Variants in SLC22A9 observed in about 807,000 individuals in gnomAD.
SLC22A9 encodes the protein organic anion transporter 7.
A neutral mutation model predicts 50.1 loss-of-function variants in SLC22A9; 64 were observed. The ratio of observed to expected loss-of-function variants is 1.28; its 90% CI spans 1.04 to 1.57. The LOEUF (loss-of-function observed/expected upper bound fraction) is 1.57. SLC22A9 is among the 40% of genes most tolerant of loss of function. The pLI, the probability that SLC22A9 is intolerant of heterozygous loss-of-function variation, is 0.00. For synonymous variants in SLC22A9, 261 were observed against 242.5 expected (o/e 1.08, Z -0.71); for missense variants, 757 against 676.1 (o/e 1.12, Z -1.33).
At chr11:63,386,682 T>A (rs924168343) in intron 6 of SLC22A9, among the ~76,000 whole-genome samples, 2 of 151,702 alleles carry the variant, frequency 1.3e-5, no homozygotes, top group Non-Finnish European at 2.9e-5. Context: ...CACTTTGCCA[T>A]TTTTTATTGT....
chr11:63,372,600 A>G (rs2014381958), intron 2 of SLC22A9, among the ~76,000 whole-genome samples: 1 of 152,162 alleles, frequency 6.6e-6, no homozygotes, highest in Non-Finnish European at 1.5e-5. Flanking sequence ...AAATCTAAAC[A>G]GCAGTTTGGG....
At chr11:63,393,539 C>T (rs570255772) in intron 6 of SLC22A9, among the ~76,000 whole-genome samples, 1 of 152,204 alleles carries the variant, frequency 6.6e-6, no homozygotes, top group African/African-American at 2.4e-5. Flanking sequence ...TTTCCCCATT[C>T]AGTATTATGT....
Position 63,375,730 on chromosome 11 carries a change from A to T in SLC22A9, c.916A>T (p.Ser306Cys). 1 of 1,612,732 alleles carries T rather than the reference A, an allele frequency of 6.2e-7. No homozygotes were observed. The highest frequency in any genetic ancestry group is 1.1e-5 in the South Asian group (1 of 91,032). The change falls in exon 5 of 10, where the codon AGT becomes TGT. Residue 306 changes from serine to cysteine, a missense_variant. Coordinates refer to ENST00000279178, the MANE Select transcript of SLC22A9 (RefSeq NM_080866.3). ...GGAACTTAGAAAAGCTGCACACAGG[A>T]GTGGAATGAAGAATGCCAGAGACAC... ...LKELRKAAHR[S>C]GMKNARDTLT...
intron 2 of SLC22A9, 42 bp from the exon 3 acceptor site, chr11:63,373,599 CTTG>C (rs1271574846): frequency 2.0e-6 from 3 of 1,468,928 alleles, no homozygotes; most frequent in Admixed American, 2.6e-5. Flanking sequence ...AGTTTTTCCA[CTTG>C]TTGTTATTGT....
chr11:63,408,731 C>T lies in SLC22A9; in HGVS notation c.1453C>T (p.Pro485Ser). 3 of 1,614,000 alleles carry T rather than the reference C, an allele frequency of 1.9e-6. No homozygotes were observed. In the East Asian group the frequency reaches 6.7e-5, roughly 36 times the overall value. The change falls in exon 9 of 10, where the codon CCC becomes TCC. Residue 485 changes from proline to serine, a missense_variant. Physicochemically the swap from Pro to Ser is moderately conservative, Grantham distance 74. Transcript: ENST00000279178. ...TFANIAGALA[P>S]LMMILSVYSP... is the part of the protein sequence containing the mutation. ...TGCTAATATAGCAGGAGCCCTGGCT[C>T]CCCTCATGATGATCCTAAGTGTGTA...
At chr11:63,400,373 G>A (rs2014932764) in intron 6 of SLC22A9, among the ~76,000 whole-genome samples, 1 of 152,022 alleles carries the variant, frequency 6.6e-6, no homozygotes, top group Non-Finnish European at 1.5e-5. Flanking sequence ...AGACTATTAT[G>A]AGCAACTTTA....
chr11:63,408,093 G>C lies in SLC22A9; in HGVS notation c.1289-19G>C, dbSNP rs757422034. On this transcript the variant is annotated intron_variant, in intron 7 of 9. Coordinates refer to ENST00000279178, the MANE Select transcript of SLC22A9 (RefSeq NM_080866.3). ...TTCAGCTCAGATTTCCTGAGGCCTT[G>C]TGTTCTTCCTTTCTCCAGAAATGCA... The C allele has an allele frequency of 6.2e-7, 1 of 1,604,540 alleles. No homozygotes were observed. The highest frequency in any genetic ancestry group is 1.7e-5 in the Admixed American group (1 of 59,710).
chr11:63,407,635 A>G (rs2015062946), intron 7 of SLC22A9, among the ~76,000 whole-genome samples: 1 of 152,034 alleles, frequency 6.6e-6, no homozygotes, highest in South Asian at 2.1e-4. Flanking sequence ...TTCTCTCCTA[A>G]CATAGACCTC....
intron 6 of SLC22A9, among the ~76,000 whole-genome samples, chr11:63,396,588 C>G (rs1236037614): frequency 6.6e-6 from 1 of 152,174 alleles, no homozygotes; most frequent in East Asian, 1.9e-4. Flanking sequence ...TCCAAAGGGT[C>G]TGTGGGTCCT....
intron 6 of SLC22A9, among the ~76,000 whole-genome samples, chr11:63,405,372 T>C (rs1213590853): frequency 6.6e-6 from 1 of 152,172 alleles, no homozygotes; most frequent in African/African-American, 2.4e-5. Flanking sequence ...TAAGCCCTGC[T>C]GTGCTGTGAG....
At position 63,375,762 on chromosome 11, in the gene SLC22A9, C is replaced by T; in HGVS notation, c.948C>T (p.Thr316=). 6.8e-6 allele frequency: 11 copies of T among 1,611,604 alleles called. No individual in the cohort carries two copies. The highest frequency in any genetic ancestry group is 9.3e-6 in the Non-Finnish European group (11 of 1,178,420). ...SGMKNARDTL[T]LEILKSTMKK... ...TGAAGAATGCCAGAGACACCCTAAC[C>T]CTGGAGGTGAGCTGGATGGGAGCTA... The change falls in exon 5 of 10, where the codon ACC becomes ACT. Residue 316 remains threonine, a synonymous_variant. Coordinates refer to ENST00000279178, the MANE Select transcript of SLC22A9 (RefSeq NM_080866.3).
At chr11:63,370,509 T>C (rs1358410175) in intron 1 of SLC22A9, 51 bp downstream of exon 1, 1 of 1,507,364 alleles carries the variant, frequency 6.6e-7, no homozygotes, top group East Asian at 2.3e-5. Flanking sequence ...GTGTTTAGAA[T>C]AACACAAGTA....
At chr11:63,382,408 G>A in intron 6 of SLC22A9, 131 bp downstream of exon 6, 1 of 643,648 alleles carries the variant, frequency 1.6e-6, no homozygotes, top group Admixed American at 3.0e-5. Flanking sequence ...AAAGAGAATT[G>A]CTGTGTTTGA....
chr11:63,384,836 T>G (rs184264497), intron 6 of SLC22A9, among the ~76,000 whole-genome samples: 30 of 152,264 alleles, frequency 2.0e-4, no homozygotes, highest in Non-Finnish European at 4.4e-5. Context: ...CCATTCTGAT[T>G]GGTGTGAGAC....
Position 63,405,649 on chromosome 11 carries a change from T to A in SLC22A9, c.1074-848T>A, listed in dbSNP as rs547302708. 5.9e-5 allele frequency among the ~76,000 whole-genome samples: 9 copies of A among 152,258 alleles called. No homozygotes were observed. In the East Asian group the frequency reaches 1.7e-3, roughly 29 times the overall value. ...AATCTGTCACTCAATAAGTTGTACATTTTAGTGACATTTCTGATTGTAATG... is the reference window on the plus strand; with the variant it reads ...AATCTGTCACTCAATAAGTTGTACAATTTAGTGACATTTCTGATTGTAATG... On this transcript the variant is annotated intron_variant, in intron 6 of 9. Transcript: ENST00000279178.
In SLC22A9 at chr11:63,373,634, T is replaced by A. The variant is rs1302420385; in HGVS notation, c.507-10T>A. 2.0e-6 allele frequency: 3 copies of A among 1,529,042 alleles called. No individual in the cohort carries two copies. In the African/African-American group the frequency reaches 4.2e-5, roughly 21 times the overall value. 94.7% of individuals were successfully genotyped at this position (1,529,042 alleles called of 1,614,324 possible). ...TTGTTCCCATTATCTAACCTGTTTC[T>A]GTTTCTCAGGTTTGGGAGAAGGTTC... On this transcript the variant is annotated splice_polypyrimidine_tract_variant and intron_variant, in intron 2 of 9. Transcript: ENST00000279178.
In SLC22A9 at chr11:63,371,232, C is replaced by T. The variant is rs981863759; in HGVS notation, c.500C>T (p.Ser167Leu). The T allele has an allele frequency of 2.4e-5, 38 of 1,611,156 alleles. No individual in the cohort carries two copies. Among genetic ancestry groups the T allele is most frequent in the Non-Finnish European group, 3.1e-5 (36 of 1,177,772 alleles). The change falls in exon 2 of 10, where the codon TCA becomes TTA. Residue 167 changes from serine to leucine, a missense_variant. Ser to Leu is a moderately radical substitution (Grantham distance 145, BLOSUM62 -2). Transcript: ENST00000279178. ...GGAGGCATCCTAGGCGGTCATTTAT[C>T]AGACAGGTGAGTGTGTATGGAACAC... ...MVGGILGGHL[S>L]DRFGRRFVLR...
In SLC22A9 at chr11:63,373,805, C is replaced by A. The variant is rs1233132739; in HGVS notation, c.661+7C>A. ...ACAAATACTATTATGTTAAGTAAGC[C>A]AACACTTTGGATCCACATTTTCCAA... On this transcript the variant is annotated splice_region_variant and intron_variant, in intron 3 of 9. Coordinates refer to ENST00000279178, the MANE Select transcript of SLC22A9 (RefSeq NM_080866.3). 1.2e-6 allele frequency: 2 copies of A among 1,605,820 alleles called. No individual in the cohort carries two copies. The highest frequency in any genetic ancestry group is 2.7e-5 in the African/African-American group (2 of 74,596).
intron 6 of SLC22A9, among the ~76,000 whole-genome samples, chr11:63,399,283 C>G (rs1162040076): frequency 6.6e-6 from 1 of 152,070 alleles, no homozygotes; most frequent in Non-Finnish European, 1.5e-5. Flanking sequence ...AAACAAGGCC[C>G]AACTCTAAGT....
Sources: gnomAD v4.1 joint callset for allele counts (sites outside exome capture counted in the v4.1 genomes callset) on GRCh38, gnomAD v4.1.1 for gene constraint, MANE v1.5 for transcripts, NCBI Gene and HGNC (gene_info 2026-07-23, HGNC 2026-07-21) for gene names.